Variants in MTMR2 observed in about 807,000 individuals in gnomAD.
MTMR2 encodes the protein myotubularin related protein 2.
MTMR2 carries 55 observed loss-of-function variants against 86.9 expected under a neutral mutation model. The ratio of observed to expected loss-of-function variants is 0.63; its 90% CI spans 0.51 to 0.79. The LOEUF is 0.79. Among genes scored for constraint, MTMR2 ranks in the 30% least tolerant of loss-of-function variants. The pLI, the probability that MTMR2 is intolerant of heterozygous loss-of-function variation, is 0.00. For missense variants in MTMR2, 659 were observed against 772.3 expected (o/e 0.85, Z 1.74); for synonymous variants, 241 against 266.8 (o/e 0.90, Z 0.94).
chr11:95,903,076 T>C (rs1866132085), intron 1 of MTMR2, among the ~76,000 whole-genome samples: 1 of 152,206 alleles, frequency 6.6e-6, no homozygotes, highest in Non-Finnish European at 1.5e-5. Context: ...ATTCAGTTAA[T>C]CGAATTCCTC....
At chr11:95,905,345 A>G (rs1483116016) in intron 1 of MTMR2, among the ~76,000 whole-genome samples, 18 of 151,402 alleles carry the variant, frequency 1.2e-4, no homozygotes, top group South Asian at 6.3e-4. Flanking sequence ...ACACACACAC[A>G]CACACACACA....
intron 1 of MTMR2, chr11:95,923,551 CGGG>C: frequency 1.6e-6 from 1 of 625,200 alleles, no homozygotes; most frequent in Non-Finnish European, 2.2e-6. Context: ...AGAATGGGGG[CGGG>C]GGGAACTGTC....
At chr11:95,853,793 CATGA>C (rs1230080975) in intron 7 of MTMR2, among the ~76,000 whole-genome samples, 3 of 152,092 alleles carry the variant, frequency 2.0e-5, no homozygotes, top group Non-Finnish European at 4.4e-5. Context: ...TTGATAAATG[CATGA>C]ATGAATAAAT....
rs1863171590 is a variant in MTMR2, at chr11:95,834,605, GCTA to G, written c.*682_*684del. 1 of 152,280 alleles carries G rather than the reference GCTA, an allele frequency of 6.6e-6. No homozygotes were observed. The highest frequency in any genetic ancestry group is 1.9e-4 in the East Asian group (1 of 5,200). 9.4% of individuals were successfully genotyped at this position (152,280 alleles called of 1,614,324 possible). A position where few individuals can be genotyped will look rare whatever the true frequency, so the allele number is the denominator to read the frequency against. ...ATGGAATTCTTTGAACTCCTGTATGGCTACTTTCTCCCCTTCATTTTCCCCCAA... is the reference window on the plus strand; with the variant it reads ...ATGGAATTCTTTGAACTCCTGTATGGCTTTCTCCCCTTCATTTTCCCCCAA... On this transcript the variant is annotated 3_prime_UTR_variant, in exon 15 of 15. Transcript: ENST00000346299.
At chr11:95,896,322 G>T (rs538165885) in intron 1 of MTMR2, among the ~76,000 whole-genome samples, 21 of 144,654 alleles carry the variant, frequency 1.5e-4, no homozygotes, top group Non-Finnish European at 2.3e-4. Context: ...TGTTTTTTTG[G>T]TTTTTTTTTT....
rs949887356 is a variant in MTMR2, at chr11:95,879,534, T to C, written c.186+8622A>G. ...CAACTTTTACTTGGAATTATTCCAG[T>C]AGCCTCCAAACATGTCTTCATTCTT... On this transcript the variant is annotated intron_variant, in intron 2 of 14. Transcript: ENST00000346299. Among the ~76,000 whole-genome samples, 134 of 152,344 alleles carry C rather than the reference T, an allele frequency of 8.8e-4. 1 individual carries two copies. Among genetic ancestry groups the C allele is most frequent in the African/African-American group, 3.1e-3 (131 of 41,592 alleles).
At chr11:95,844,495 A>T (rs1044243697) in intron 11 of MTMR2, among the ~76,000 whole-genome samples, 7 of 152,168 alleles carry the variant, frequency 4.6e-5, no homozygotes, top group Admixed American at 2.6e-4. Flanking sequence ...CAGAACTTGA[A>T]TATGTGTGGA....
intron 2 of MTMR2, among the ~76,000 whole-genome samples, chr11:95,879,747 T>C (rs1349354907): frequency 1.3e-5 from 2 of 152,140 alleles, no homozygotes; most frequent in Non-Finnish European, 1.5e-5. Flanking sequence ...TATTCAATAG[T>C]AAACATATAA....
In MTMR2 at chr11:95,845,005, A is replaced by C. The variant is rs141311831; in HGVS notation, c.1334T>G (p.Phe445Cys). 5.0e-6 allele frequency: 8 copies of C among 1,613,986 alleles called. No homozygotes were observed. Among genetic ancestry groups the C allele is most frequent in the South Asian group, 1.1e-5 (1 of 91,086 alleles). Residue 445 changes from phenylalanine (F) to cysteine (C), a missense_variant, in exon 11 of 15, where the codon TTT (phenylalanine) becomes TGT (cysteine). Phe to Cys is a radical substitution (Grantham distance 205, BLOSUM62 -2). Coordinates refer to ENST00000346299, the MANE Select transcript of MTMR2 (RefSeq NM_016156.6). ...LDGYYRTIRGFEVLVEKEWLS... is the reference protein window; with the variant it reads ...LDGYYRTIRGCEVLVEKEWLS... ...CCATTCTTTCTCCACAAGGACTTCA[A>C]ATCCTCGGATGGTTCGATAGTATCC...
At chr11:95,876,823 C>T (rs929147618) in intron 2 of MTMR2, among the ~76,000 whole-genome samples, 4 of 152,070 alleles carry the variant, frequency 2.6e-5, no homozygotes, top group Admixed American at 2.6e-4. Flanking sequence ...TCTCTTCTCT[C>T]CCTCTCTCTT....
chr11:95,849,804 A>G lies in MTMR2; in HGVS notation c.863T>C (p.Met288Thr), dbSNP rs1361899788. The change falls in exon 9 of 15, where the codon ATG (methionine) becomes ACG (threonine). Residue 288 changes from methionine (M) to threonine (T), a missense_variant. By Grantham distance (81) the Met-to-Thr change is moderately conservative. This residue lies in a region of MTMR2 where 387 missense variants were observed against 526.3 expected (regional missense o/e 0.74). Transcript: ENST00000346299. ...GCTTCGCTTTCCACTCACTCCAACC[A>G]TGGGCTGGCTACACCGAGTGATTGT... ...QATITRCSQP[M>T]VGVSGKRSKE... 4 of 1,614,112 alleles carry G rather than the reference A, an allele frequency of 2.5e-6. No homozygotes were observed. The highest frequency in any genetic ancestry group is 1.3e-5 in the African/African-American group (1 of 75,046).
chr11:95,835,915 A>C (rs1863251092), intron 14 of MTMR2, among the ~76,000 whole-genome samples: 1 of 152,054 alleles, frequency 6.6e-6, no homozygotes, highest in African/African-American at 2.4e-5. Context: ...AGAGGAGGGA[A>C]GATGCAAGAA....
intron 1 of MTMR2, among the ~76,000 whole-genome samples, chr11:95,899,251 T>A (rs1865986835): frequency 6.6e-6 from 1 of 152,094 alleles, no homozygotes; most frequent in African/African-American, 2.4e-5. Context: ...ATTTAGCAGC[T>A]GACTTGACCT....
At chr11:95,897,695 T>G (rs1486648842) in intron 1 of MTMR2, among the ~76,000 whole-genome samples, 2 of 152,162 alleles carry the variant, frequency 1.3e-5, no homozygotes, top group Admixed American at 1.3e-4. Context: ...ATTTCAAATG[T>G]CCTACATTTC....
At chr11:95,885,324 TAAC>T (rs1865478106) in intron 2 of MTMR2, among the ~76,000 whole-genome samples, 3 of 151,994 alleles carry the variant, frequency 2.0e-5, no homozygotes, top group Admixed American at 2.0e-4. Context: ...GTAAAAAAAA[TAAC>T]AACTAAACAC....
chr11:95,842,462 T>G (rs1202626641), intron 11 of MTMR2, among the ~76,000 whole-genome samples: 1 of 152,142 alleles, frequency 6.6e-6, no homozygotes, highest in Non-Finnish European at 1.5e-5. Flanking sequence ...AGGAACCATA[T>G]TAGCACACAT....
chr11:95,910,144 C>T (rs1343358402), intron 1 of MTMR2, among the ~76,000 whole-genome samples: 1 of 151,566 alleles, frequency 6.6e-6, no homozygotes, highest in African/African-American at 2.4e-5. Context: ...CACACACACA[C>T]ACACCCTACA....
chr11:95,909,024 T>C (rs768982646), intron 1 of MTMR2, among the ~76,000 whole-genome samples: 8 of 152,160 alleles, frequency 5.3e-5, no homozygotes, highest in African/African-American at 9.7e-5. Flanking sequence ...CTTTCCACCA[T>C]AAGATCAAAA....
At chr11:95,878,294 G>A (rs1200863556) in intron 2 of MTMR2, among the ~76,000 whole-genome samples, 1 of 150,446 alleles carries the variant, frequency 6.6e-6, no homozygotes, top group Non-Finnish European at 1.5e-5. Flanking sequence ...AGGGAGAGGG[G>A]AAAATGAAAG....
Sources: allele counts gnomAD v4.1 joint callset (sites outside exome capture counted in the v4.1 genomes callset), GRCh38; gene constraint gnomAD v4.1.1; regional missense constraint gnomAD v4.1.1; transcripts MANE v1.5; gene names NCBI Gene and HGNC (gene_info 2026-07-23, HGNC 2026-07-21).